The following PLPP4 variants were observed in gnomAD, a reference collection of about 807,000 sequenced individuals.
The protein encoded by PLPP4 is phospholipid phosphatase 4.
PLPP4 carries 20 observed loss-of-function variants against 32.2 expected under a neutral mutation model. The observed-to-expected ratio is 0.62, with a 90% CI of 0.44 to 0.90. PLPP4 has a LOEUF of 0.90. Ranked by LOEUF, PLPP4 falls within the 40% of genes least tolerant of loss-of-function variation. The pLI, the probability that PLPP4 is intolerant of heterozygous loss-of-function variation, is 0.00. For missense variants in PLPP4, 257 were observed against 353.1 expected (o/e 0.73, Z 2.18); for synonymous variants, 127 against 133.0 (o/e 0.95, Z 0.31).
At chr10:120,557,132 C>T (rs750124759) in intron 5 of PLPP4, among the ~76,000 whole-genome samples, 6 of 152,078 alleles carry the variant, frequency 3.9e-5, no homozygotes, top group Admixed American at 1.3e-4. Context: ...TGCTGACCAT[C>T]GTAACAAATG....
chr10:120,587,801 T>C (rs1324650753), intron 6 of PLPP4, among the ~76,000 whole-genome samples: 4 of 152,218 alleles, frequency 2.6e-5, no homozygotes, highest in African/African-American at 9.7e-5. Context: ...GGACATTAGT[T>C]TGTGACTTAA....
intron 5 of PLPP4, among the ~76,000 whole-genome samples, chr10:120,573,635 ATAT>A (rs1170048837): frequency 6.6e-6 from 1 of 152,206 alleles, no homozygotes; most frequent in Non-Finnish European, 1.5e-5. Flanking sequence ...CAGTTTTTCA[ATAT>A]TTATCAATAA....
At chr10:120,503,197 A>G (rs1845344295) in intron 1 of PLPP4, among the ~76,000 whole-genome samples, 1 of 152,330 alleles carries the variant, frequency 6.6e-6, no homozygotes, top group South Asian at 2.1e-4. Flanking sequence ...CCTGGCACTC[A>G]CAGCCCCAAA....
chr10:120,524,443 C>T (rs1053738050), intron 5 of PLPP4, among the ~76,000 whole-genome samples: 1 of 152,178 alleles, frequency 6.6e-6, no homozygotes, highest in Admixed American at 6.5e-5. Context: ...AAGACTAATT[C>T]TCCATGCTAG....
chr10:120,580,954 C>T lies in PLPP4; in HGVS notation c.616+5653C>T, dbSNP rs1412703490. ...ACATTTACCATCGGCTGCCAACCCC[C>T]GCCTCTGTCTGGGAACCTCTGAACC... On this transcript the variant is annotated intron_variant, in intron 6 of 6. Coordinates refer to ENST00000398250, the MANE Select transcript of PLPP4 (RefSeq NM_001030059.3). 1.2e-5 allele frequency: 15 copies of T among 1,289,192 alleles called. No individual in the cohort carries two copies. The East Asian group carries it at 5.5e-4, about 48-fold the overall frequency. The allele number at this position is 1,289,192 out of a possible 1,614,324, so 79.9% of individuals were successfully genotyped here.
chr10:120,518,200 G>C (rs1280598021), intron 3 of PLPP4, among the ~76,000 whole-genome samples: 1 of 152,196 alleles, frequency 6.6e-6, no homozygotes, highest in African/African-American at 2.4e-5. Flanking sequence ...CCTGTGCTCT[G>C]TATGGTCAAA....
chr10:120,501,048 C>T (rs896377762), intron 1 of PLPP4, among the ~76,000 whole-genome samples: 2 of 152,058 alleles, frequency 1.3e-5, no homozygotes, highest in Non-Finnish European at 2.9e-5. Flanking sequence ...AGCAGGGGTT[C>T]CAGCTCCTGC....
chr10:120,473,990 G>T (rs1042010618), intron 1 of PLPP4, among the ~76,000 whole-genome samples: 3 of 152,056 alleles, frequency 2.0e-5, no homozygotes, highest in African/African-American at 7.2e-5. Flanking sequence ...TTACATGGAG[G>T]TTTCTTCTTT....
chr10:120,528,241 A>G lies in PLPP4; in HGVS notation c.445+7146A>G, dbSNP rs962784256. Among the ~76,000 whole-genome samples the G allele has an allele frequency of 1.1e-4, 16 of 151,900 alleles. No homozygotes were observed. The East Asian group carries it at 2.9e-3, about 28-fold the overall frequency. On this transcript the variant is annotated intron_variant, in intron 5 of 6. Coordinates refer to ENST00000398250, the MANE Select transcript of PLPP4 (RefSeq NM_001030059.3). The stretch of plus-strand genomic sequence containing the variant: ...AGGCGCCTGCCACCATGCTCGGCTA[A>G]TTTTTTGTATTTTTAGTAGAGACGG...
rs115633754 is a variant in PLPP4 at position 120,484,411 on chromosome 10, C to G, written c.57-19407C>G. Among the ~76,000 whole-genome samples the G allele has an allele frequency of 5.0e-3, 759 of 152,214 alleles. 7 individuals carry two copies. Among genetic ancestry groups the G allele is most frequent in the African/African-American group, 0.017 (726 of 41,520 alleles). On this transcript the variant is annotated intron_variant, in intron 1 of 6. Transcript: ENST00000398250. ...TGCATGTTTCTGGAGATTAGGAAGT[C>G]CAAGATCGAGGTGCCAGCATCTGGT... is the stretch of plus-strand genomic sequence containing the variant.
intron 2 of PLPP4, 118 bp from the exon 3 acceptor site, chr10:120,513,793 G>A (rs747490440): frequency 1.2e-6 from 1 of 803,410 alleles, no homozygotes; most frequent in African/African-American, 1.7e-5. Flanking sequence ...GAGGTCAGGA[G>A]TTCAGTAAGA....
intron 5 of PLPP4, among the ~76,000 whole-genome samples, chr10:120,573,384 G>A (rs1227599446): frequency 6.6e-6 from 1 of 152,034 alleles, no homozygotes; most frequent in East Asian, 1.9e-4. Flanking sequence ...AACCGAGATC[G>A]CTTTTAAGAA....
chr10:120,484,234 A>T (rs1436153623), intron 1 of PLPP4, among the ~76,000 whole-genome samples: 1 of 152,230 alleles, frequency 6.6e-6, no homozygotes, highest in African/African-American at 2.4e-5. Flanking sequence ...AGAGCACAGG[A>T]TCTGCTATAT....
At chr10:120,457,773 C>T (rs1589695905) in intron 1 of PLPP4, among the ~76,000 whole-genome samples, 1 of 152,338 alleles carries the variant, frequency 6.6e-6, no homozygotes, top group African/African-American at 2.4e-5. Context: ...TCTCCGATTC[C>T]TCCCCGCTGT....
intron 6 of PLPP4, among the ~76,000 whole-genome samples, chr10:120,576,939 C>T (rs757714127): frequency 1.1e-4 from 16 of 152,222 alleles, no homozygotes; most frequent in Admixed American, 2.6e-4. Context: ...AAGAATATTA[C>T]GGGCCAAATG....
At chr10:120,494,955 A>G (rs979702875) in intron 1 of PLPP4, among the ~76,000 whole-genome samples, 15 of 152,206 alleles carry the variant, frequency 9.9e-5, no homozygotes, top group African/African-American at 3.4e-4. Context: ...TCTTATTAAA[A>G]TAATTGCAGA....
intron 1 of PLPP4, among the ~76,000 whole-genome samples, chr10:120,465,180 T>C (rs1284608505): frequency 6.6e-6 from 1 of 152,244 alleles, no homozygotes; most frequent in Admixed American, 6.5e-5. Context: ...ATAGTGCTTC[T>C]TTAAAAAATA....
At chr10:120,575,071 G>A (rs1399509213) in intron 5 of PLPP4, 60 bp from the exon 6 acceptor site, 13 of 1,550,928 alleles carry the variant, frequency 8.4e-6, no homozygotes, top group South Asian at 1.2e-5. Flanking sequence ...TGCCCAGCAC[G>A]CACTGAGTCC....
chr10:120,472,067 A>G (rs1044982832), intron 1 of PLPP4, among the ~76,000 whole-genome samples: 14 of 152,078 alleles, frequency 9.2e-5, no homozygotes, highest in Admixed American at 8.5e-4. Flanking sequence ...TTACTTCTAT[A>G]TATAAATCTC....
Sources: allele counts gnomAD v4.1 joint callset (sites outside exome capture counted in the v4.1 genomes callset), GRCh38; gene constraint gnomAD v4.1.1; transcripts MANE v1.5; gene names NCBI Gene and HGNC (gene_info 2026-07-23, HGNC 2026-07-21).